Variants in PRKCE observed in about 807,000 individuals in gnomAD.
The protein encoded by PRKCE is protein kinase C epsilon type.
In PRKCE, 16 loss-of-function variants were observed where a neutral mutation model predicts 85.4. The observed-to-expected ratio is 0.19, with a 90% CI of 0.13 to 0.28. The LOEUF (loss-of-function observed/expected upper bound fraction) is 0.28. Among genes scored for constraint, PRKCE ranks in the 10% least tolerant of loss-of-function variants. The probability of loss-of-function intolerance (pLI) is 1.00; values close to 1 mark genes in which losing one functional copy is unlikely to be tolerated. For synonymous variants in PRKCE, 388 were observed against 371.5 expected, an observed-to-expected ratio of 1.04 and a Z score of -0.51; for missense variants, 573 against 975.2, an observed-to-expected ratio of 0.59 and a Z score of 5.49.
At chr2:46,107,734 C>T (rs1261520780) in intron 11 of PRKCE, among the ~76,000 whole-genome samples, 1 of 152,116 alleles carries the variant, frequency 6.6e-6, no homozygotes, top group African/African-American at 2.4e-5. Context: ...ATTGTTAGTT[C>T]TTGGATTGTA....
intron 2 of PRKCE, among the ~76,000 whole-genome samples, chr2:45,898,819 G>A (rs557520752): frequency 6.6e-6 from 1 of 152,152 alleles, no homozygotes; most frequent in Non-Finnish European, 1.5e-5. Context: ...GGCTGAACTC[G>A]CATGAGGCCA....
At chr2:46,048,852 C>T (rs1431226311) in intron 10 of PRKCE, among the ~76,000 whole-genome samples, 2 of 152,156 alleles carry the variant, frequency 1.3e-5, no homozygotes, top group Non-Finnish European at 2.9e-5. Context: ...GTGACTCTTG[C>T]CCTCCTCCTT....
chr2:45,936,264 T>A (rs1376929520), intron 2 of PRKCE, among the ~76,000 whole-genome samples: 1 of 152,068 alleles, frequency 6.6e-6, no homozygotes, highest in Admixed American at 6.5e-5. Context: ...GGTTAAGAGG[T>A]TATTAGACCT....
At chr2:46,119,751 C>T (rs931378628) in intron 11 of PRKCE, among the ~76,000 whole-genome samples, 6 of 152,144 alleles carry the variant, frequency 3.9e-5, no homozygotes, top group African/African-American at 9.7e-5. Context: ...AGAGACAGTA[C>T]GTAGATTCTC....
At chr2:46,166,260 C>T (rs999831665) in intron 14 of PRKCE, among the ~76,000 whole-genome samples, 3 of 152,234 alleles carry the variant, frequency 2.0e-5, no homozygotes, top group Non-Finnish European at 4.4e-5. Flanking sequence ...CTAGGGACCA[C>T]CTGATAACAT....
At chr2:46,143,266 T>A (rs1024789514) in intron 11 of PRKCE, among the ~76,000 whole-genome samples, 2 of 152,114 alleles carry the variant, frequency 1.3e-5, no homozygotes, top group Admixed American at 1.3e-4. Context: ...TTGTTCCTTT[T>A]CCAATTAGTA....
intron 1 of PRKCE, among the ~76,000 whole-genome samples, chr2:45,679,290 GC>G (rs996873693): frequency 2.6e-5 from 4 of 152,264 alleles, no homozygotes; most frequent in African/African-American, 9.6e-5. Context: ...AGTATTGGAA[GC>G]CTAATTATTT....
chr2:45,801,418 G>A (rs1450064477), intron 1 of PRKCE, among the ~76,000 whole-genome samples: 1 of 152,120 alleles, frequency 6.6e-6, no homozygotes, highest in East Asian at 1.9e-4. Context: ...TTGCAAAAAC[G>A]GGGACTGGGG....
Position 45,662,331 on chromosome 2 carries a change from C to G in PRKCE, c.348+9883C>G, listed in dbSNP as rs1023595439. 3.9e-5 allele frequency among the ~76,000 whole-genome samples: 6 copies of G among 152,290 alleles called. No homozygotes were observed. The South Asian group carries it at 1.2e-3, about 32-fold the overall frequency. On this transcript the variant is annotated intron_variant, in intron 1 of 14. Coordinates refer to ENST00000306156, the MANE Select transcript of PRKCE (RefSeq NM_005400.3). Reference sequence around the variant, plus strand: ...AGACACGACATTAATCAAAGAATAACATAAATATATGATCTGTAAAATTAC... The same window carrying G: ...AGACACGACATTAATCAAAGAATAAGATAAATATATGATCTGTAAAATTAC...
intron 1 of PRKCE, among the ~76,000 whole-genome samples, chr2:45,715,773 G>T (rs565710213): frequency 2.6e-4 from 40 of 152,316 alleles, no homozygotes; most frequent in African/African-American, 9.6e-4. Context: ...TTTCTTTGGT[G>T]ACTCAATTAT....
At chr2:45,891,503 C>A (rs1695718744) in intron 2 of PRKCE, among the ~76,000 whole-genome samples, 1 of 152,192 alleles carries the variant, frequency 6.6e-6, no homozygotes, top group Non-Finnish European at 1.5e-5. Flanking sequence ...AATCCTAAAC[C>A]ATCCCTGTGT....
rs758156315 is a variant in PRKCE, at chr2:45,652,280, C to T, written c.180C>T (p.Thr60=). The part of the protein sequence containing the change: ...RIGQTATKQK[T]NSPAWHDEFV... ...GCCAAACGGCCACCAAGCAGAAGAC[C>T]AACAGCCCGGCCTGGCACGACGAGT... Residue 60 remains threonine (T), a synonymous_variant, in exon 1 of 15, where the codon ACC becomes ACT. Coordinates refer to ENST00000306156, the MANE Select transcript of PRKCE (RefSeq NM_005400.3). The surrounding 1 kb of genome is among the most constrained non-coding windows in gnomAD (Gnocchi z 7.7). 6.1e-5 allele frequency: 99 copies of T among 1,613,358 alleles called. No individual in the cohort carries two copies. Among genetic ancestry groups the T allele is most frequent in the Non-Finnish European group, 7.8e-5 (92 of 1,179,996 alleles).
At chr2:45,830,486 T>TATGTATCA (rs1690332659) in intron 1 of PRKCE, among the ~76,000 whole-genome samples, 2 of 152,212 alleles carry the variant, frequency 1.3e-5, no homozygotes, top group African/African-American at 4.8e-5. Context: ...TGGATATATA[T>TATGTATCA]ATGTATCACA....
intron 11 of PRKCE, among the ~76,000 whole-genome samples, chr2:46,093,771 C>T (rs2881259): frequency 0.44 from 66,571 of 151,730 alleles, 15,882 homozygotes; most frequent in Non-Finnish European, 0.53. Flanking sequence ...GTTTTAGTTC[C>T]GTTTCTCACC....
At chr2:46,060,728 G>T in intron 10 of PRKCE, among the ~76,000 whole-genome samples, 1 of 150,480 alleles carries the variant, frequency 6.6e-6, no homozygotes, top group African/African-American at 2.5e-5. Flanking sequence ...CTTATAGTCA[G>T]ATTTTTTTCT....
chr2:45,659,965 C>T (rs568404923), intron 1 of PRKCE, among the ~76,000 whole-genome samples: 37 of 152,156 alleles, frequency 2.4e-4, no homozygotes, highest in South Asian at 1.0e-3. Context: ...TTTTGTTCAC[C>T]GCTTTATCTC....
At chr2:46,167,613 T>C (rs530405762) in intron 14 of PRKCE, among the ~76,000 whole-genome samples, 4 of 152,084 alleles carry the variant, frequency 2.6e-5, no homozygotes, top group Non-Finnish European at 5.9e-5. Context: ...GCACAGCCAC[T>C]GGTATGAGCT....
chr2:46,181,381 GGGCCAAGTTGTATAA>G (rs1374896994), intron 14 of PRKCE, among the ~76,000 whole-genome samples: 1 of 152,138 alleles, frequency 6.6e-6, no homozygotes. Flanking sequence ...AGTAGGGTAG[GGGCCAAGTTGTATAA>G]GGAGATGGGT....
chr2:45,881,069 C>T (rs1466624130), intron 2 of PRKCE, among the ~76,000 whole-genome samples: 3 of 147,206 alleles, frequency 2.0e-5, no homozygotes, highest in South Asian at 4.3e-4. Context: ...AGGAGAATGG[C>T]GTGAACCCGG....
Sources: allele counts gnomAD v4.1 joint callset (sites outside exome capture counted in the v4.1 genomes callset), GRCh38; gene constraint gnomAD v4.1.1; non-coding constraint Gnocchi (gnomAD v3.1); transcripts MANE v1.5; gene names NCBI Gene and HGNC (gene_info 2026-07-23, HGNC 2026-07-21).